The following PTPRD variants were observed in gnomAD, a reference collection of about 807,000 sequenced individuals.
The protein encoded by PTPRD is protein tyrosine phosphatase receptor type D, also known as receptor-type tyrosine-protein phosphatase delta.
Under a neutral mutation model 214.5 loss-of-function variants are expected in PTPRD, and 34 were observed. That is an observed-to-expected ratio of 0.16 (90% confidence interval 0.12 to 0.21). The LOEUF (loss-of-function observed/expected upper bound fraction) is 0.21, where lower values mean the gene tolerates loss of function less well. PTPRD is among the 10% of genes least tolerant of loss of function. The pLI, the probability that PTPRD is intolerant of heterozygous loss-of-function variation, is 1.00. For synonymous variants in PTPRD, 1,128 were observed against 845.7 expected, an observed-to-expected ratio of 1.33 and a Z score of -5.79; for missense variants, 2,545 against 2,398.7, an observed-to-expected ratio of 1.06 and a Z score of -1.27.
Position 9,575,739 on chromosome 9 carries a change from A to G in PTPRD, c.-286-958T>C, listed in dbSNP as rs1295020477. Among the ~76,000 whole-genome samples, 3 of 142,560 alleles carry G rather than the reference A, an allele frequency of 2.1e-5. No homozygotes were observed. In the East Asian group the frequency reaches 5.9e-4, roughly 28 times the overall value. The allele number at this position is 142,560 out of a possible 152,430, so 93.5% of individuals were successfully genotyped here. A position where few individuals can be genotyped will look rare whatever the true frequency, so the allele number is the denominator to read the frequency against. ...TCTCAAAAAAAAAAAAAAAAAAAAA[A>G]AAAAAAAGAAAGAAAGAAAAAGAAA... On this transcript the variant is annotated intron_variant, in intron 7 of 45. Coordinates refer to ENST00000381196, the MANE Select transcript of PTPRD (RefSeq NM_002839.4).
chr9:8,607,556 T>C (rs1027433258), intron 14 of PTPRD, among the ~76,000 whole-genome samples: 3 of 152,156 alleles, frequency 2.0e-5, no homozygotes, highest in South Asian at 2.1e-4. Context: ...GGCAGGAGAA[T>C]TGCTTGAGCC....
intron 2 of PTPRD, among the ~76,000 whole-genome samples, chr9:10,601,543 A>AATTATATTGCATATAATG (rs1423719557): frequency 2.0e-5 from 3 of 151,804 alleles, no homozygotes; most frequent in African/African-American, 7.2e-5. Context: ...TGTATTTTCA[A>AATTATATTGCATATAATG]ATTATATTGC....
chr9:9,044,648 T>G (rs1490534892), intron 10 of PTPRD, among the ~76,000 whole-genome samples: 1 of 152,182 alleles, frequency 6.6e-6, no homozygotes, highest in Non-Finnish European at 1.5e-5. Context: ...TAACTTGGAA[T>G]TTATCAGGAC....
At chr9:9,967,654 A>T (rs775565276) in intron 4 of PTPRD, among the ~76,000 whole-genome samples, 1 of 152,190 alleles carries the variant, frequency 6.6e-6, no homozygotes, top group Non-Finnish European at 1.5e-5. Context: ...TAAAAGTTGT[A>T]TTAGGATTAA....
At chr9:9,632,747 T>G (rs2095632769) in intron 7 of PTPRD, among the ~76,000 whole-genome samples, 1 of 152,098 alleles carries the variant, frequency 6.6e-6, no homozygotes, top group South Asian at 2.1e-4. Flanking sequence ...TGACAAACTA[T>G]AAAATAAATG....
intron 3 of PTPRD, among the ~76,000 whole-genome samples, chr9:10,230,321 C>A (rs10809039): frequency 0.47 from 71,689 of 151,790 alleles, 19,842 homozygotes; most frequent in Non-Finnish European, 0.61. Context: ...GTTGTGGAAG[C>A]TGTAACAAAC....
At chr9:8,830,148 T>C (rs2097259537) in intron 11 of PTPRD, among the ~76,000 whole-genome samples, 1 of 152,130 alleles carries the variant, frequency 6.6e-6, no homozygotes, top group East Asian at 1.9e-4. Context: ...ATTATGTTCA[T>C]TTTACAGATG....
intron 12 of PTPRD, among the ~76,000 whole-genome samples, chr9:8,655,101 TA>T (rs1331670788): frequency 1.3e-5 from 2 of 152,014 alleles, no homozygotes; most frequent in Admixed American, 6.6e-5. Flanking sequence ...ATTAAATAGT[TA>T]AAAAAATAGG....
chr9:10,502,975 A>C (rs904993176), intron 2 of PTPRD, among the ~76,000 whole-genome samples: 28 of 152,040 alleles, frequency 1.8e-4, no homozygotes, highest in Non-Finnish European at 4.0e-4. Context: ...TGCATTGTCC[A>C]TCAACTTATA....
intron 14 of PTPRD, among the ~76,000 whole-genome samples, chr9:8,574,255 T>C (rs1048657094): frequency 6.6e-6 from 1 of 151,982 alleles, no homozygotes; most frequent in Non-Finnish European, 1.5e-5. Flanking sequence ...TATTAACAAC[T>C]GATAATACGC....
intron 3 of PTPRD, among the ~76,000 whole-genome samples, chr9:10,131,604 C>T (rs929816064): frequency 1.3e-5 from 2 of 152,098 alleles, no homozygotes; most frequent in African/African-American, 2.4e-5. Flanking sequence ...TTAAATACCT[C>T]CCATTATTTT....
intron 19 of PTPRD, among the ~76,000 whole-genome samples, chr9:8,522,308 G>T (rs1001559582): frequency 1.3e-5 from 2 of 152,062 alleles, no homozygotes; most frequent in South Asian, 2.1e-4. Flanking sequence ...AAGAAATAAG[G>T]GGGCAATAGA....
At chr9:9,430,132 T>C (rs1434455222) in intron 8 of PTPRD, among the ~76,000 whole-genome samples, 1 of 152,208 alleles carries the variant, frequency 6.6e-6, no homozygotes, top group East Asian at 1.9e-4. Flanking sequence ...GCAGATGACA[T>C]GATTGTATGT....
At chr9:10,374,730 T>C (rs1415159668) in intron 2 of PTPRD, among the ~76,000 whole-genome samples, 1 of 152,012 alleles carries the variant, frequency 6.6e-6, no homozygotes, top group Non-Finnish European at 1.5e-5. Context: ...AGGACCCACT[T>C]GATTAGAAAA....
At chr9:9,917,144 TG>T (rs2081089815) in intron 5 of PTPRD, among the ~76,000 whole-genome samples, 2 of 150,316 alleles carry the variant, frequency 1.3e-5, no homozygotes, top group Non-Finnish European at 3.0e-5. Context: ...TAACAATGAA[TG>T]TCTAGAAAAG....
chr9:8,950,149 A>T (rs1234914785), intron 11 of PTPRD, among the ~76,000 whole-genome samples: 1 of 152,178 alleles, frequency 6.6e-6, no homozygotes, highest in East Asian at 1.9e-4. Context: ...ATGCAAATCT[A>T]AATTTGTTAG....
intron 7 of PTPRD, among the ~76,000 whole-genome samples, chr9:9,704,128 A>T (rs763965925): frequency 6.6e-6 from 1 of 152,182 alleles, no homozygotes; most frequent in African/African-American, 2.4e-5. Context: ...TTTATATGTT[A>T]ATTTTCTGAA....
At chr9:9,947,791 TA>T (rs1308787132) in intron 4 of PTPRD, among the ~76,000 whole-genome samples, 4 of 146,388 alleles carry the variant, frequency 2.7e-5, no homozygotes, top group Admixed American at 7.2e-5. Context: ...TGTATGAACC[TA>T]AAAAAAATCC....
intron 8 of PTPRD, among the ~76,000 whole-genome samples, chr9:9,411,262 C>CTT (rs34617237): frequency 0.013 from 1,785 of 139,836 alleles, 44 homozygotes; most frequent in African/African-American, 0.04. Context: ...AGCATTGTGT[C>CTT]TTTTTTTTTT....
Sources: gnomAD v4.1 joint callset for allele counts (sites outside exome capture counted in the v4.1 genomes callset) on GRCh38, gnomAD v4.1.1 for gene constraint, MANE v1.5 for transcripts, NCBI Gene and HGNC (gene_info 2026-07-23, HGNC 2026-07-21) for gene names.